The following CDKN2A variants were observed in gnomAD, a reference collection of about 807,000 sequenced individuals.
CDKN2A encodes the protein cyclin-dependent kinase inhibitor 2A.
In CDKN2A, 3 loss-of-function variants were observed where a neutral mutation model predicts 11.1. The ratio of observed to expected loss-of-function variants is 0.27; its 90% CI spans 0.12 to 0.70. The LOEUF is 0.70. Ranked by LOEUF, CDKN2A falls within the 30% of genes least tolerant of loss-of-function variation. The pLI is 0.77. For missense variants in CDKN2A, 265 were observed against 233.6 expected (o/e 1.13, Z -0.88); for synonymous variants, 122 against 108.1 (o/e 1.13, Z -0.80).
intron 2 of CDKN2A, chr9:21,969,525 AGAG>A (rs1157089695): frequency 7.8e-6 from 3 of 386,278 alleles, no homozygotes; most frequent in Non-Finnish European, 1.4e-5. Flanking sequence ...TTGGGGAGTA[AGAG>A]AAGGAAGGGA....
chr9:21,986,849 T>C (rs1362696303), intron 2 of CDKN2A, among the ~76,000 whole-genome samples: 1 of 152,092 alleles, frequency 6.6e-6, no homozygotes, highest in Non-Finnish European at 1.5e-5. Context: ...TGTCCGATGT[T>C]GGACATTTAA....
At position 21,974,562 on chromosome 9, in the gene CDKN2A, G is replaced by A. The variant is rs780022223; in HGVS notation, c.150+116C>T. On this transcript the variant is annotated intron_variant, in intron 1 of 2. Transcript: ENST00000304494. The surrounding 1 kb of genome is among the most constrained non-coding windows in gnomAD (Gnocchi z 5.2). ...ACAAACCCCTTCTGAAAACTCCCCAGGAAGCCTCCCCTTTTTCCGGAGAAT... is the reference window on the plus strand; with the variant it reads ...ACAAACCCCTTCTGAAAACTCCCCAAGAAGCCTCCCCTTTTTCCGGAGAAT... 1 of 1,613,556 alleles carries A rather than the reference G, an allele frequency of 6.2e-7. No homozygotes were observed. Among genetic ancestry groups the A allele is most frequent in the African/African-American group, 1.3e-5 (1 of 75,044 alleles).
At chr9:21,985,657 C>T (rs1365273650) in intron 2 of CDKN2A, among the ~76,000 whole-genome samples, 1 of 151,876 alleles carries the variant, frequency 6.6e-6, no homozygotes, top group Non-Finnish European at 1.5e-5. Context: ...ACCTTGATTT[C>T]CTGTCTTAGA....
chr9:21,972,845 CTG>C (rs1819831682), intron 1 of CDKN2A, among the ~76,000 whole-genome samples: 1 of 152,116 alleles, frequency 6.6e-6, no homozygotes, highest in African/African-American at 2.4e-5. Flanking sequence ...TTTAGGATAA[CTG>C]TTATTTGTTA....
intron 2 of CDKN2A, among the ~76,000 whole-genome samples, chr9:21,980,081 G>A (rs1353662263): frequency 6.6e-6 from 1 of 152,132 alleles, no homozygotes; most frequent in Non-Finnish European, 1.5e-5. Context: ...AATAAAGGGA[G>A]TTGAGGCAAT....
upstream of CDKN2A, among the ~76,000 whole-genome samples, chr9:21,975,666 G>A (rs1228105753): frequency 6.6e-6 from 1 of 152,048 alleles, no homozygotes; most frequent in African/African-American, 2.4e-5. Context: ...AAAAGATGAG[G>A]TTTATTTAAT....
upstream of CDKN2A, among the ~76,000 whole-genome samples, chr9:21,977,832 G>A (rs1408771611): frequency 3.9e-5 from 6 of 151,990 alleles, no homozygotes; most frequent in African/African-American, 1.5e-4. Context: ...GTGAATTCAG[G>A]GATTTCTCTG....
At chr9:21,983,582 T>C (rs1820242609) in intron 2 of CDKN2A, among the ~76,000 whole-genome samples, 1 of 152,076 alleles carries the variant, frequency 6.6e-6, no homozygotes, top group Admixed American at 6.5e-5. Flanking sequence ...TAGAAGGCTC[T>C]TGAATATATT....
chr9:21,990,651 A>AGAGAGAGAGAGAGC (rs1464228871), intron 2 of CDKN2A, among the ~76,000 whole-genome samples: 1 of 147,756 alleles, frequency 6.8e-6, no homozygotes. Flanking sequence ...AGAGAGAGAG[A>AGAGAGAGAGAGAGC]AACTGTTTAC....
intron 2 of CDKN2A, among the ~76,000 whole-genome samples, chr9:21,984,387 A>G (rs1820258756): frequency 6.6e-6 from 1 of 151,990 alleles, no homozygotes; most frequent in Non-Finnish European, 1.5e-5. Flanking sequence ...CACTGCTTGG[A>G]GTGCATTTCA....
At chr9:21,970,712 G>A (rs896512165) in intron 2 of CDKN2A, 190 bp downstream of exon 2, 1 of 695,068 alleles carries the variant, frequency 1.4e-6, no homozygotes, top group Non-Finnish European at 2.4e-6. Flanking sequence ...AGTCCATTTC[G>A]GGATTATTTC....
rs755797513 is a variant in CDKN2A at position 21,971,224 on chromosome 9, G to C, written c.151-16C>G. On this transcript the variant is annotated splice_polypyrimidine_tract_variant and intron_variant, in intron 1 of 2. Coordinates refer to ENST00000304494, the MANE Select transcript of CDKN2A (RefSeq NM_000077.5). ...TCATCATGACCTGCCAGAGAGAACA[G>C]AATGGTCAGAGCCAGGGTGGGGGCC... 1 of 1,594,930 alleles carries C rather than the reference G, an allele frequency of 6.3e-7. No individual in the cohort carries two copies. Among genetic ancestry groups the C allele is most frequent in the South Asian group, 1.1e-5 (1 of 90,446 alleles).
At position 21,993,799 on chromosome 9, in the gene CDKN2A, C is replaced by CTGTGTG. The variant is rs71336508; in HGVS notation, c.-4+77_-4+82dup. 9.8e-3 allele frequency: 2,427 copies of CTGTGTG among 247,374 alleles called. 12 individuals are homozygous for CTGTGTG. The highest frequency in any genetic ancestry group is 0.016 in the Admixed American group (309 of 19,152). 15.3% of individuals were successfully genotyped at this position (247,374 alleles called of 1,614,324 possible). On this transcript the variant is annotated intron_variant, in intron 2 of 3. Coordinates refer to the CDKN2A transcript ENST00000494262. ...GTGTGCTTGAAATACACCTTTCCTA[C>CTGTGTG]TGTGTGTGTGTGTGTGTGTGTGTGT...
chr9:21,979,371 T>C (rs1239273287), upstream of CDKN2A, among the ~76,000 whole-genome samples: 3 of 152,078 alleles, frequency 2.0e-5, no homozygotes, highest in East Asian at 1.9e-4. Flanking sequence ...GTGAGGCAGA[T>C]GGAAGGTGGA....
chr9:21,976,816 G>C (rs190172906), upstream of CDKN2A, among the ~76,000 whole-genome samples: 1 of 152,296 alleles, frequency 6.6e-6, no homozygotes, highest in East Asian at 1.9e-4. Context: ...ACAAAGAAAA[G>C]TTAAACAGCA....
rs372599739 is a variant in CDKN2A, at chr9:21,970,959, C to G, written c.400G>C (p.Ala134Pro). 3.1e-6 allele frequency: 5 copies of G among 1,611,668 alleles called. No homozygotes were observed. The African/African-American group carries it at 6.7e-5, about 22-fold the overall frequency. The change falls in exon 2 of 3, where the codon GCG becomes CCG. Residue 134 changes from alanine (A) to proline (P), a missense_variant. Transcript: ENST00000304494. ...TGGTTACTGCCTCTGGTGCCCCCCG[C>G]AGCCGCGCGCAGGTACCGTGCGACA... ...RDVARYLRAAAGGTRGSNHAR... is the reference protein window; with the variant it reads ...RDVARYLRAAPGGTRGSNHAR...
upstream of CDKN2A, among the ~76,000 whole-genome samples, chr9:21,979,806 G>A (rs558906766): frequency 3.9e-5 from 6 of 152,126 alleles, no homozygotes; most frequent in Non-Finnish European, 7.4e-5. Context: ...CCCAGCTGAG[G>A]GTGGAGATCA....
chr9:21,973,573 T>G (rs1819879624), intron 1 of CDKN2A, among the ~76,000 whole-genome samples: 2 of 152,182 alleles, frequency 1.3e-5, no homozygotes, highest in Admixed American at 1.3e-4. Flanking sequence ...AAGTTACCCA[T>G]GTATTAATTA....
chr9:21,977,061 T>G (rs1820055592), upstream of CDKN2A, among the ~76,000 whole-genome samples: 2 of 152,358 alleles, frequency 1.3e-5, no homozygotes, highest in Middle Eastern at 3.4e-3. Flanking sequence ...GTACTTTTAG[T>G]GTCTGCTTGA....
Sources: allele counts gnomAD v4.1 joint callset (sites outside exome capture counted in the v4.1 genomes callset), GRCh38; gene constraint gnomAD v4.1.1; non-coding constraint Gnocchi (gnomAD v3.1); transcripts MANE v1.5; gene names NCBI Gene and HGNC (gene_info 2026-07-23, HGNC 2026-07-21).